ATL2: variants seen among roughly 807,000 people sequenced by gnomAD.
ATL2 encodes the protein atlastin GTPase 2.
Under a neutral mutation model 73.9 loss-of-function variants are expected in ATL2, and 31 were observed. The observed-to-expected ratio is 0.42, with a 90% confidence interval of 0.32 to 0.57. The LOEUF is 0.57. Ranked by LOEUF, ATL2 falls within the 20% of genes least tolerant of loss-of-function variation. The pLI, the probability that ATL2 is intolerant of heterozygous loss-of-function variation, is 0.14. For missense variants in ATL2, 738 were observed against 702.6 expected, an observed-to-expected ratio of 1.05 and a Z score of -0.57; for synonymous variants, 291 against 237.5, an observed-to-expected ratio of 1.23 and a Z score of -2.07.
chr2:38,329,925 T>G (rs1309848711), intron 2 of ATL2, among the ~76,000 whole-genome samples: 1 of 152,042 alleles, frequency 6.6e-6, no homozygotes, highest in Non-Finnish European at 1.5e-5. Context: ...GGTCAGGAGT[T>G]CAAGACCAGG....
At chr2:38,317,203 A>G (rs909294855) in intron 4 of ATL2, among the ~76,000 whole-genome samples, 2 of 152,190 alleles carry the variant, frequency 1.3e-5, no homozygotes, top group Non-Finnish European at 2.9e-5. Flanking sequence ...TCTACCATTG[A>G]TAAGAACAAT....
rs1672031387 is a variant in ATL2, at chr2:38,377,187, T to G, written c.74A>C (p.Asp25Ala). 5 of 1,610,618 alleles carry G rather than the reference T, an allele frequency of 3.1e-6. No individual in the cohort carries two copies. The East Asian group carries it at 1.1e-4, about 36-fold the overall frequency. The change falls in exon 1 of 13, where the codon GAC becomes GCC. Residue 25 changes from aspartate (D) to alanine (A), a missense_variant. Transcript: ENST00000378954. ...QGLWRRRRTSDPSAAVNHVSS... is the reference protein window; with the variant it reads ...QGLWRRRRTSAPSAAVNHVSS... ...GACGTGGTTAACCGCGGCGCTTGGG[T>G]CGCTGGTCCGTCGCCGGCGCCACAG...
intron 1 of ATL2, among the ~76,000 whole-genome samples, chr2:38,359,896 G>A (rs1330968044): frequency 6.6e-6 from 1 of 152,088 alleles, no homozygotes; most frequent in East Asian, 1.9e-4. Flanking sequence ...GGGAGGCCGA[G>A]GCAGGTGGAT....
At chr2:38,303,515 A>C (rs1234974175) in intron 9 of ATL2, among the ~76,000 whole-genome samples, 1 of 152,056 alleles carries the variant, frequency 6.6e-6, no homozygotes, top group Non-Finnish European at 1.5e-5. Flanking sequence ...CAAGACCTGA[A>C]CAAGCAGAAG....
intron 12 of ATL2, chr2:38,296,438 G>A (rs773871722): frequency 1.9e-6 from 3 of 1,562,932 alleles, no homozygotes; most frequent in African/African-American, 2.7e-5. Context: ...TCCTACATGT[G>A]TAAGTGTGAA....
upstream of ATL2, among the ~76,000 whole-genome samples, chr2:38,377,494 T>C (rs982888273): frequency 6.8e-5 from 10 of 147,882 alleles, no homozygotes; most frequent in African/African-American, 2.5e-4. Flanking sequence ...TGCAGATCCG[T>C]CTCCCCGGCT....
At chr2:38,347,115 A>G (rs1009132993) in intron 1 of ATL2, among the ~76,000 whole-genome samples, 1 of 152,166 alleles carries the variant, frequency 6.6e-6, no homozygotes, top group African/African-American at 2.4e-5. Context: ...TGGATTGCCA[A>G]TTTACCACTT....
intron 2 of ATL2, among the ~76,000 whole-genome samples, chr2:38,327,757 G>A (rs902888663): frequency 3.3e-5 from 5 of 152,082 alleles, no homozygotes; most frequent in Non-Finnish European, 7.4e-5. Context: ...CCAACATGGG[G>A]AAACCCCGTC....
At position 38,343,442 on chromosome 2, in the gene ATL2, A is replaced by G; in HGVS notation, c.189T>C (p.Ile63=). Residue 63 remains isoleucine, a synonymous_variant, in exon 2 of 13, where the codon ATT becomes ATC. Transcript: ENST00000378954. Reference sequence around the variant, plus strand: ...TATGGTCATCTTCATGAGCAAGAACAATCTGTACTGGACATGGTTTCTTCA... The same window carrying G: ...TATGGTCATCTTCATGAGCAAGAACGATCTGTACTGGACATGGTTTCTTCA... ...EVMKKPCPVQ[I]VLAHEDDHNF... The G allele has an allele frequency of 6.2e-7, 1 of 1,613,090 alleles. No individual in the cohort carries two copies. The highest frequency in any genetic ancestry group is 1.1e-5 in the South Asian group (1 of 91,040).
intron 9 of ATL2, among the ~76,000 whole-genome samples, chr2:38,309,024 G>A (rs1667601070): frequency 6.6e-6 from 1 of 151,818 alleles, no homozygotes; most frequent in Non-Finnish European, 1.5e-5. Flanking sequence ...AACTCTGAGG[G>A]AGTGTTTTTG....
rs756486071 is a variant in ATL2, at chr2:38,377,244, T to C, written c.17A>G (p.Glu6Gly). 1.9e-6 allele frequency: 3 copies of C among 1,593,328 alleles called. No homozygotes were observed. The highest frequency in any genetic ancestry group is 2.6e-6 in the Non-Finnish European group (3 of 1,170,676). Residue 6 changes from glutamate to glycine, a missense_variant, in exon 1 of 13, where the codon GAG becomes GGG. Physicochemically the swap from Glu to Gly is moderately conservative, Grantham distance 98. Transcript: ENST00000378954. ...GTGCGGTTGCTGCCCTCGCGCTGCC[T>C]CGTCCCCCTCCGCCATCTTGTACCG... MAEGD[E>G]AARGQQPHQG...
At position 38,305,189 on chromosome 2, in the gene ATL2, C is replaced by A. The variant is rs926511979; in HGVS notation, c.1071+4190G>T. Among the ~76,000 whole-genome samples the A allele has an allele frequency of 2.0e-5, 3 of 152,078 alleles. No individual in the cohort carries two copies. The East Asian group carries it at 5.8e-4, about 29-fold the overall frequency. ...TATAACAATTGTAAATATATATGCACCCAACACTGGAGCACCCAGATATAT... is the reference window on the plus strand; with the variant it reads ...TATAACAATTGTAAATATATATGCAACCAACACTGGAGCACCCAGATATAT... On this transcript the variant is annotated intron_variant, in intron 9 of 12. Transcript: ENST00000378954.
chr2:38,351,229 C>T (rs1471569945), intron 1 of ATL2, among the ~76,000 whole-genome samples: 1 of 152,018 alleles, frequency 6.6e-6, no homozygotes, highest in Admixed American at 6.6e-5. Context: ...ATATTTCATA[C>T]CCAAGTGAAA....
At chr2:38,323,695 G>A (rs935991377) in intron 2 of ATL2, among the ~76,000 whole-genome samples, 1 of 152,110 alleles carries the variant, frequency 6.6e-6, no homozygotes, top group Non-Finnish European at 1.5e-5. Flanking sequence ...TATTTAGTTA[G>A]TTAGACAGAG....
intron 1 of ATL2, among the ~76,000 whole-genome samples, chr2:38,344,824 A>C (rs1215940163): frequency 6.6e-6 from 1 of 152,142 alleles, no homozygotes; most frequent in African/African-American, 2.4e-5. Flanking sequence ...ATATCTCAGA[A>C]TTTCATCTCC....
intron 1 of ATL2, among the ~76,000 whole-genome samples, chr2:38,363,307 AT>A (rs1377440045): frequency 6.7e-6 from 1 of 149,402 alleles, no homozygotes; most frequent in Non-Finnish European, 1.5e-5. Context: ...GAATTCTTAT[AT>A]GCTCAGTACT....
intron 2 of ATL2, among the ~76,000 whole-genome samples, chr2:38,335,206 C>A (rs965066650): frequency 1.3e-5 from 2 of 151,654 alleles, no homozygotes; most frequent in Non-Finnish European, 2.9e-5. Flanking sequence ...TAAAAGTAAA[C>A]GGGTATTTCC....
At chr2:38,304,730 G>C (rs1156792409) in intron 9 of ATL2, among the ~76,000 whole-genome samples, 1 of 152,106 alleles carries the variant, frequency 6.6e-6, no homozygotes, top group Admixed American at 6.5e-5. Context: ...AGTGTTATCA[G>C]TTTAAAATAA....
chr2:38,366,659 C>T (rs1671348554), intron 1 of ATL2, among the ~76,000 whole-genome samples: 1 of 152,178 alleles, frequency 6.6e-6, no homozygotes, highest in African/African-American at 2.4e-5. Flanking sequence ...TACTTCAGAA[C>T]ATATAAGCTT....
Sources: allele counts gnomAD v4.1 joint callset (sites outside exome capture counted in the v4.1 genomes callset), GRCh38; gene constraint gnomAD v4.1.1; transcripts MANE v1.5; gene names NCBI Gene and HGNC (gene_info 2026-07-23, HGNC 2026-07-21).